The following NOC3L variants were observed in gnomAD, a reference collection of about 807,000 sequenced individuals.
NOC3L encodes nucleolar complex protein 3 homolog.
Under a neutral mutation model 102.5 loss-of-function variants are expected in NOC3L, and 85 were observed. The observed-to-expected ratio is 0.83, with a 90% CI of 0.70 to 0.99. NOC3L has a LOEUF of 0.99. NOC3L is among the 50% of genes least tolerant of loss of function. NOC3L has a pLI of 0.00. For missense variants in NOC3L, 878 were observed against 914.9 expected, an observed-to-expected ratio of 0.96 and a Z score of 0.52; for synonymous variants, 303 against 309.4, an observed-to-expected ratio of 0.98 and a Z score of 0.22.
At chr10:94,354,184 T>C (rs778492226) in intron 6 of NOC3L, among the ~76,000 whole-genome samples, 4 of 152,200 alleles carry the variant, frequency 2.6e-5, no homozygotes, top group Non-Finnish European at 4.4e-5. Flanking sequence ...CTCCAAAGCA[T>C]TCCCACATGA....
chr10:94,330,889 A>G (rs1288827072), downstream of NOC3L: 1 of 152,238 alleles, frequency 6.6e-6, no homozygotes, highest in East Asian at 1.9e-4. Context: ...TTAGGCCACC[A>G]GAAATCTGGG....
chr10:94,323,931 A>G, the NOC3L span, among the ~76,000 whole-genome samples: 1 of 152,232 alleles, frequency 6.6e-6, no homozygotes, highest in Non-Finnish European at 1.5e-5. Context: ...TCTGTGATAG[A>G]GATAGCCCAG....
chr10:94,361,112 C>G (rs2054547338), intron 2 of NOC3L, among the ~76,000 whole-genome samples: 1 of 152,160 alleles, frequency 6.6e-6, no homozygotes, highest in Admixed American at 6.5e-5. Context: ...AAAGTACCAG[C>G]AAAGTTGTAG....
At chr10:94,354,901 T>C in intron 6 of NOC3L, 62 bp downstream of exon 6, 1 of 1,525,066 alleles carries the variant, frequency 6.6e-7, no homozygotes, top group South Asian at 1.2e-5. Flanking sequence ...AAGGGAATCT[T>C]AACAATTAGG....
chr10:94,362,880 A>T lies in NOC3L; in HGVS notation c.-42T>A. 2 of 1,613,828 alleles carry T rather than the reference A, an allele frequency of 1.2e-6. No homozygotes were observed. The highest frequency in any genetic ancestry group is 1.7e-6 in the Non-Finnish European group (2 of 1,179,998). ...AATGCCGGCCAGACAAGTTCACCAGAAGCAGGGTTACTACAGAAATCCCGG... is the reference window on the plus strand; with the variant it reads ...AATGCCGGCCAGACAAGTTCACCAGTAGCAGGGTTACTACAGAAATCCCGG... On this transcript the variant is annotated 5_prime_UTR_variant, in exon 1 of 21. Transcript: ENST00000371361.
In NOC3L at chr10:94,334,125, G is replaced by A. The variant is rs371695303; in HGVS notation, c.*52C>T. The A allele has an allele frequency of 5.0e-6, 4 of 796,900 alleles. No individual in the cohort carries two copies. Among genetic ancestry groups the A allele is most frequent in the Non-Finnish European group, 8.5e-6 (4 of 471,402 alleles). The allele number at this position is 796,900 out of a possible 1,614,324, so 49.4% of individuals were successfully genotyped here. On this transcript the variant is annotated 3_prime_UTR_variant, in exon 21 of 21. Coordinates refer to ENST00000371361, the MANE Select transcript of NOC3L (RefSeq NM_022451.11). Reference sequence around the variant, plus strand: ...TCCTAAGTTAACAACTCATCTTTATGTACATCTGCACACACAAATATACAA... The same window carrying A: ...TCCTAAGTTAACAACTCATCTTTATATACATCTGCACACACAAATATACAA...
At chr10:94,356,637 G>A in intron 4 of NOC3L, 46 bp from the exon 5 acceptor site, 1 of 1,126,080 alleles carries the variant, frequency 8.9e-7, no homozygotes, top group Admixed American at 1.9e-5. Context: ...ATACTTAAGT[G>A]GTAAAAACTG....
At chr10:94,316,665 T>C in the NOC3L span, 8 of 1,613,620 alleles carry the variant, frequency 5.0e-6, no homozygotes, top group East Asian at 2.2e-5. Flanking sequence ...CAGAGAGCCA[T>C]TGGTCCAGAA....
In NOC3L at chr10:94,349,343, G is replaced by A. The variant is rs1180801742; in HGVS notation, c.1164C>T (p.Leu388=). The A allele has an allele frequency of 1.3e-6, 2 of 1,581,738 alleles. No homozygotes were observed. Among genetic ancestry groups the A allele is most frequent in the Non-Finnish European group, 8.5e-7 (1 of 1,171,624 alleles). The change falls in exon 10 of 21, where the codon CTC becomes CTT. Residue 388 remains leucine, a synonymous_variant. Coordinates refer to ENST00000371361, the MANE Select transcript of NOC3L (RefSeq NM_022451.11). ...CTTGGCCTAATTTATCTTGCTTAAA[G>A]AGTTTCTTCACAGCTTCACAACACA... The part of the protein sequence containing the change: ...SEMCCEAVKK[L]FKQDKLGQAS...
At chr10:94,324,874 G>C in the NOC3L span, 1 of 1,612,866 alleles carries the variant, frequency 6.2e-7, no homozygotes, top group South Asian at 1.1e-5. Context: ...ACCAATGGAA[G>C]GTTCTTTGTT....
At chr10:94,345,552 T>C (rs538220489) in intron 11 of NOC3L, among the ~76,000 whole-genome samples, 180 of 152,324 alleles carry the variant, frequency 1.2e-3, no homozygotes, top group African/African-American at 4.0e-3. Context: ...CATGAGAAGT[T>C]GTTAAAGAGC....
At chr10:94,355,812 T>C (rs1005637724) in intron 5 of NOC3L, among the ~76,000 whole-genome samples, 2 of 152,184 alleles carry the variant, frequency 1.3e-5, no homozygotes, top group African/African-American at 2.4e-5. Flanking sequence ...TTTAACACTA[T>C]ATATTACTTT....
At chr10:94,343,115 G>A (rs1045695174) in intron 13 of NOC3L, among the ~76,000 whole-genome samples, 3 of 151,140 alleles carry the variant, frequency 2.0e-5, no homozygotes, top group Non-Finnish European at 4.4e-5. Context: ...CAGATGGCAC[G>A]CAGACAGACT....
downstream of NOC3L, chr10:94,331,328 C>T (rs1005382542): frequency 2.0e-5 from 3 of 152,190 alleles, no homozygotes; most frequent in African/African-American, 7.2e-5. Context: ...CTAACTACAT[C>T]GTCCCCTTCC....
At chr10:94,349,143 G>T in intron 10 of NOC3L, 107 bp downstream of exon 10, 1 of 1,235,806 alleles carries the variant, frequency 8.1e-7, no homozygotes, top group Non-Finnish European at 1.1e-6. Context: ...TAAGGAGCTT[G>T]AATACTTTTT....
chr10:94,325,042 G>A, the NOC3L span: 2 of 1,614,196 alleles, frequency 1.2e-6, no homozygotes, highest in Non-Finnish European at 1.7e-6. Flanking sequence ...ACCTGTGGGT[G>A]GCTTGTCCTC....
At chr10:94,326,886 C>G in the NOC3L span, among the ~76,000 whole-genome samples, 6 of 152,294 alleles carry the variant, frequency 3.9e-5, no homozygotes, top group East Asian at 9.7e-4. Flanking sequence ...CCTGGCCAGG[C>G]ACAGTGGCTC....
the NOC3L span, among the ~76,000 whole-genome samples, chr10:94,320,090 G>C: frequency 6.6e-6 from 1 of 151,720 alleles, no homozygotes; most frequent in Non-Finnish European, 1.5e-5. Flanking sequence ...CTGGTTTGGG[G>C]GACAAAGATT....
At chr10:94,336,100 C>T (rs551252802) in intron 19 of NOC3L, among the ~76,000 whole-genome samples, 2 of 152,044 alleles carry the variant, frequency 1.3e-5, no homozygotes, top group Non-Finnish European at 2.9e-5. Context: ...ATTTTTCACA[C>T]ACAAAAAAAA....
Sources: gnomAD v4.1 joint callset for allele counts (sites outside exome capture counted in the v4.1 genomes callset) on GRCh38, gnomAD v4.1.1 for gene constraint, MANE v1.5 for transcripts, NCBI Gene and HGNC (gene_info 2026-07-23, HGNC 2026-07-21) for gene names.